Variants in LINGO2 observed in about 807,000 individuals in gnomAD.
LINGO2 encodes the protein leucine-rich repeat and immunoglobulin-like domain-containing nogo receptor-interacting protein 2.
In LINGO2, 14 loss-of-function variants were observed where a neutral mutation model predicts 30.6. The ratio of observed to expected loss-of-function variants is 0.46; its 90% CI spans 0.30 to 0.72. The LOEUF (loss-of-function observed/expected upper bound fraction) is 0.72, where lower values mean the gene tolerates loss of function less well. Among genes scored for constraint, LINGO2 ranks in the 30% least tolerant of loss-of-function variants. The pLI is 0.07. For synonymous variants in LINGO2, 317 were observed against 288.5 expected (o/e 1.10, Z -1.00); for missense variants, 729 against 751.7 (o/e 0.97, Z 0.35).
At chr9:29,170,833 C>A in the LINGO2 span, among the ~76,000 whole-genome samples, 35 of 151,984 alleles carry the variant, frequency 2.3e-4, no homozygotes, top group African/African-American at 8.4e-4. Flanking sequence ...AATAAAAATA[C>A]AAATAAAATA....
chr9:28,993,179 G>C, the LINGO2 span, among the ~76,000 whole-genome samples: 14 of 151,852 alleles, frequency 9.2e-5, no homozygotes, highest in Non-Finnish European at 1.9e-4. Flanking sequence ...AATGATAAAG[G>C]GGATATCACC....
intron 4 of LINGO2, among the ~76,000 whole-genome samples, chr9:28,164,281 T>C (rs932734070): frequency 2.0e-5 from 3 of 152,202 alleles, no homozygotes; most frequent in South Asian, 2.1e-4. Flanking sequence ...TCACTGACAG[T>C]GTGCTATACT....
At chr9:28,712,834 T>C in the LINGO2 span, among the ~76,000 whole-genome samples, 3 of 152,096 alleles carry the variant, frequency 2.0e-5, no homozygotes, top group African/African-American at 7.2e-5. Context: ...GAAAGTGTAT[T>C]ACAACTCAAT....
At chr9:28,994,302 A>C in the LINGO2 span, among the ~76,000 whole-genome samples, 3 of 152,190 alleles carry the variant, frequency 2.0e-5, no homozygotes, top group Non-Finnish European at 4.4e-5. Context: ...CTAGGAATCC[A>C]ACTTACAAGG....
chr9:28,423,619 C>A (rs16912944), intron 2 of LINGO2, among the ~76,000 whole-genome samples: 5,539 of 152,020 alleles, frequency 0.036, 339 homozygotes, highest in African/African-American at 0.12. Context: ...CATGGTAATT[C>A]TTAGAAAGGA....
chr9:28,073,638 T>C (rs1039647366), intron 4 of LINGO2, among the ~76,000 whole-genome samples: 2 of 152,198 alleles, frequency 1.3e-5, no homozygotes, highest in Non-Finnish European at 2.9e-5. Context: ...AAAATCTACT[T>C]GCATTTAGAG....
the LINGO2 span, among the ~76,000 whole-genome samples, chr9:29,184,872 T>C: frequency 6.6e-6 from 1 of 152,218 alleles, no homozygotes; most frequent in South Asian, 2.1e-4. Context: ...TTATTACATA[T>C]ACAGAAACCA....
intron 1 of LINGO2, among the ~76,000 whole-genome samples, chr9:28,482,471 GT>G (rs1215431771): frequency 6.6e-6 from 1 of 151,968 alleles, no homozygotes; most frequent in East Asian, 1.9e-4. Context: ...TGATGGGGTT[GT>G]TTGTTTTTTT....
chr9:28,442,507 T>C (rs992394793), intron 2 of LINGO2, among the ~76,000 whole-genome samples: 2 of 152,184 alleles, frequency 1.3e-5, no homozygotes, highest in Non-Finnish European at 1.5e-5. Flanking sequence ...ACTAATGTGC[T>C]GTATTTGTTT....
At chr9:28,925,807 A>C in the LINGO2 span, among the ~76,000 whole-genome samples, 1 of 152,304 alleles carries the variant, frequency 6.6e-6, no homozygotes, top group Non-Finnish European at 1.5e-5. Context: ...CATTCACAGA[A>C]GCTCTTGTGA....
chr9:28,577,062 G>A (rs1824026692), intron 1 of LINGO2, among the ~76,000 whole-genome samples: 1 of 152,112 alleles, frequency 6.6e-6, no homozygotes, highest in African/African-American at 2.4e-5. Flanking sequence ...AGCTAACTTT[G>A]GGAGAATTTC....
Position 28,305,297 on chromosome 9 carries a change from T to C in LINGO2, c.-245-9931A>G, listed in dbSNP as rs144486779. Among the ~76,000 whole-genome samples, 441 of 152,168 alleles carry C rather than the reference T, an allele frequency of 2.9e-3. 3 individuals are homozygous for C. The highest frequency in any genetic ancestry group is 0.01 in the African/African-American group (423 of 41,554). On this transcript the variant is annotated intron_variant, in intron 3 of 5. Transcript: ENST00000379992. ...CTTGATGAAAGTCTGAATGCTTTCTTATTAAGATCAGGAAAAGGCAAGGAT... is the reference window on the plus strand; with the variant it reads ...CTTGATGAAAGTCTGAATGCTTTCTCATTAAGATCAGGAAAAGGCAAGGAT...
the LINGO2 span, among the ~76,000 whole-genome samples, chr9:29,095,575 G>A: frequency 7.2e-6 from 1 of 138,394 alleles, no homozygotes; most frequent in African/African-American, 2.7e-5. Flanking sequence ...CATTTCATAG[G>A]GGCAGGCAAT....
the LINGO2 span, among the ~76,000 whole-genome samples, chr9:29,160,897 G>A: frequency 7.2e-5 from 11 of 152,236 alleles, no homozygotes; most frequent in African/African-American, 2.4e-4. Context: ...ACCTGTTTGT[G>A]TAAGTTCACA....
At chr9:28,770,492 G>A in the LINGO2 span, among the ~76,000 whole-genome samples, 3 of 152,060 alleles carry the variant, frequency 2.0e-5, no homozygotes, top group Non-Finnish European at 4.4e-5. Context: ...TCACTGTCTG[G>A]TTGCTATGTC....
At chr9:27,957,583 G>A (rs189623677) in intron 5 of LINGO2, among the ~76,000 whole-genome samples, 19 of 152,186 alleles carry the variant, frequency 1.2e-4, no homozygotes, top group East Asian at 5.8e-4. Flanking sequence ...GTGAGCCACC[G>A]CACCCGGCCA....
chr9:28,065,758 C>T (rs575949759), intron 4 of LINGO2, among the ~76,000 whole-genome samples: 3 of 152,032 alleles, frequency 2.0e-5, no homozygotes, highest in African/African-American at 7.2e-5. Flanking sequence ...GGGGTTAATA[C>T]CATCTGTCTT....
At chr9:28,595,369 T>G (rs1473701610) in intron 1 of LINGO2, among the ~76,000 whole-genome samples, 1 of 152,084 alleles carries the variant, frequency 6.6e-6, no homozygotes, top group Non-Finnish European at 1.5e-5. Context: ...ATTCCATCTC[T>G]GAATGATCTG....
At chr9:29,048,988 T>G in the LINGO2 span, among the ~76,000 whole-genome samples, 1 of 152,128 alleles carries the variant, frequency 6.6e-6, no homozygotes, top group Non-Finnish European at 1.5e-5. Context: ...GTGAAAAAGC[T>G]TCTGCACAGC....
Sources: gnomAD v4.1 joint callset for allele counts (sites outside exome capture counted in the v4.1 genomes callset) on GRCh38, gnomAD v4.1.1 for gene constraint, MANE v1.5 for transcripts, NCBI Gene and HGNC (gene_info 2026-07-23, HGNC 2026-07-21) for gene names.